Variants in CMSS1 observed in about 807,000 individuals in gnomAD.
CMSS1 encodes protein CMSS1.
CMSS1 carries 33 observed loss-of-function variants against 43.5 expected under a neutral mutation model. That is an observed-to-expected ratio of 0.76 (90% CI 0.57 to 1.01). The LOEUF (loss-of-function observed/expected upper bound fraction) is 1.01, where lower values mean the gene tolerates loss of function less well. Ranked by LOEUF, CMSS1 falls within the 50% of genes least tolerant of loss-of-function variation. CMSS1 has a pLI of 0.00. For synonymous variants in CMSS1, 115 were observed against 117.2 expected (o/e 0.98, Z 0.12); for missense variants, 313 against 326.4 (o/e 0.96, Z 0.32).
intron 1 of CMSS1, among the ~76,000 whole-genome samples, chr3:99,931,266 C>T (rs1707474474): frequency 6.6e-6 from 1 of 152,130 alleles, no homozygotes; most frequent in Non-Finnish European, 1.5e-5. Flanking sequence ...ATTAAGGCCA[C>T]TTATGTCCAT....
chr3:100,069,542 A>G (rs1339017206), intron 1 of CMSS1, among the ~76,000 whole-genome samples: 1 of 152,080 alleles, frequency 6.6e-6, no homozygotes, highest in Non-Finnish European at 1.5e-5. Flanking sequence ...ACGGCAGCCA[A>G]TGGAATCAAT....
intron 6 of CMSS1, among the ~76,000 whole-genome samples, chr3:100,168,863 T>TTA (rs397816245): frequency 0.37 from 53,362 of 145,894 alleles, 9,646 homozygotes; most frequent in South Asian, 0.44. Flanking sequence ...AGATTACAAA[T>TTA]TATATATATA....
intron 1 of CMSS1, among the ~76,000 whole-genome samples, chr3:99,916,430 C>T (rs562121800): frequency 1.4e-4 from 19 of 135,766 alleles, no homozygotes; most frequent in Admixed American, 6.7e-4. Context: ...TTTATAATAA[C>T]GGTTTATACA....
intron 2 of CMSS1, among the ~76,000 whole-genome samples, chr3:100,149,780 C>G (rs1020975125): frequency 2.3e-4 from 35 of 152,266 alleles, no homozygotes; most frequent in African/African-American, 8.4e-4. Context: ...AATTGGCACT[C>G]ATTATTTGTG....
chr3:100,091,853 C>T (rs879414523), intron 1 of CMSS1, among the ~76,000 whole-genome samples: 1 of 152,138 alleles, frequency 6.6e-6, no homozygotes, highest in Non-Finnish European at 1.5e-5. Context: ...TCCGATTCCA[C>T]GTTGGGCCTG....
At chr3:99,835,275 T>C (rs781263065) in intron 1 of CMSS1, among the ~76,000 whole-genome samples, 1 of 152,242 alleles carries the variant, frequency 6.6e-6, no homozygotes, top group African/African-American at 2.4e-5. Flanking sequence ...TTATGCTACT[T>C]TGTCTGGTCC....
chr3:100,062,563 T>C (rs6794365), intron 1 of CMSS1, among the ~76,000 whole-genome samples: 1,842 of 152,238 alleles, frequency 0.012, 23 homozygotes, highest in African/African-American at 0.028. Flanking sequence ...GTGCTTCTGT[T>C]TTTTCCAAGA....
At position 99,922,825 on chromosome 3, in the gene CMSS1, G is replaced by C. The variant is rs117898337; in HGVS notation, c.64+104782G>C. Among the ~76,000 whole-genome samples, 27 of 152,126 alleles carry C rather than the reference G, an allele frequency of 1.8e-4. 1 individual carries two copies. Among genetic ancestry groups the C allele is most frequent in the African/African-American group, 5.5e-4 (23 of 41,516 alleles). On this transcript the variant is annotated intron_variant, in intron 1 of 9. Coordinates refer to ENST00000421999, the MANE Select transcript of CMSS1 (RefSeq NM_032359.4). ...CCAAACTCTCCTTTTTTGCAGCCAC[G>C]CTTCTCAAAATGCTAGTTCACATTT...
chr3:99,819,439 A>T (rs1195439731), intron 1 of CMSS1, among the ~76,000 whole-genome samples: 1 of 152,260 alleles, frequency 6.6e-6, no homozygotes, highest in Admixed American at 6.5e-5. Flanking sequence ...GAAGAAAGGC[A>T]GTCAACATGT....
In CMSS1 at chr3:99,930,656, C is replaced by T. The variant is rs1267401369; in HGVS notation, c.64+112613C>T. 7 of 1,143,898 alleles carry T rather than the reference C, an allele frequency of 6.1e-6. No individual in the cohort carries two copies. The Admixed American group carries it at 1.5e-4, about 24-fold the overall frequency. The allele number at this position is 1,143,898 out of a possible 1,614,324, so 70.9% of individuals were successfully genotyped here. ...TGTATATATACTTATGCTTTGCTTT[C>T]ATGTACACACATGTATGAACCACAG... On this transcript the variant is annotated intron_variant, in intron 1 of 9. Transcript: ENST00000421999.
At chr3:100,077,966 C>G (rs1024770694) in intron 1 of CMSS1, among the ~76,000 whole-genome samples, 4 of 152,040 alleles carry the variant, frequency 2.6e-5, no homozygotes, top group African/African-American at 9.7e-5. Context: ...CCCAGTTTCA[C>G]TTACTCAGAC....
chr3:99,822,189 T>C (rs534568613), intron 1 of CMSS1, among the ~76,000 whole-genome samples: 3 of 152,240 alleles, frequency 2.0e-5, no homozygotes, highest in Non-Finnish European at 4.4e-5. Context: ...TATGTGAGTC[T>C]GGAGCCCCAG....
In CMSS1 at chr3:99,910,787, G is replaced by GTCAACAAGAGCTGTTGTT. The variant is rs1706763231; in HGVS notation, c.64+92744_64+92745insTCAACAAGAGCTGTTGTT. 2.4e-5 allele frequency among the ~76,000 whole-genome samples: 2 copies of GTCAACAAGAGCTGTTGTT among 83,570 alleles called. 1 individual carries two copies. The highest frequency in any genetic ancestry group is 6.4e-5 in the Non-Finnish European group (2 of 31,020). The allele number at this position is 83,570 out of a possible 152,430, so 54.8% of individuals were successfully genotyped here. On this transcript the variant is annotated intron_variant, in intron 1 of 9. Coordinates refer to ENST00000421999, the MANE Select transcript of CMSS1 (RefSeq NM_032359.4). Reference sequence around the variant, plus strand: ...GAAAGTAGATAACTAGAATATTTATGCCCATTTTATAGATGGAAGCATCAA... The same window carrying GTCAACAAGAGCTGTTGTT: ...GAAAGTAGATAACTAGAATATTTATGTCAACAAGAGCTGTTGTTCCCATTTTATAGATGGAAGCATCAA...
intron 1 of CMSS1, among the ~76,000 whole-genome samples, chr3:100,000,690 G>A (rs1345088957): frequency 6.6e-6 from 1 of 152,162 alleles, no homozygotes; most frequent in East Asian, 1.9e-4. Flanking sequence ...ACTCCAACCT[G>A]GGCGATAGCG....
At chr3:99,853,835 G>A (rs945255620) in intron 1 of CMSS1, among the ~76,000 whole-genome samples, 7 of 152,078 alleles carry the variant, frequency 4.6e-5, no homozygotes, top group South Asian at 2.1e-4. Context: ...AAAGCCTGTC[G>A]GGAAGGTAAA....
intron 1 of CMSS1, among the ~76,000 whole-genome samples, chr3:99,877,834 C>T (rs1223217373): frequency 6.6e-6 from 1 of 152,156 alleles, no homozygotes; most frequent in African/African-American, 2.4e-5. Context: ...TGAATCTCAG[C>T]CCCAAACTGA....
chr3:100,135,950 A>T (rs536419836), intron 1 of CMSS1, among the ~76,000 whole-genome samples: 1 of 152,288 alleles, frequency 6.6e-6, no homozygotes, highest in South Asian at 2.1e-4. Flanking sequence ...AAAACTTTAA[A>T]AATTTTGTAA....
chr3:100,030,908 G>T (rs2065011926), intron 1 of CMSS1, among the ~76,000 whole-genome samples: 2 of 152,110 alleles, frequency 1.3e-5, no homozygotes, highest in South Asian at 4.2e-4. Context: ...GATATTCTTG[G>T]CTTAAGAATG....
At chr3:100,178,192 A>C in intron 9 of CMSS1, 113 bp from the exon 10 acceptor site, 1 of 614,826 alleles carries the variant, frequency 1.6e-6, no homozygotes, top group Non-Finnish European at 2.9e-6. Flanking sequence ...GCACTCTCTG[A>C]TTCTGGCCAT....
Sources: gnomAD v4.1 joint callset for allele counts (sites outside exome capture counted in the v4.1 genomes callset) on GRCh38, gnomAD v4.1.1 for gene constraint, MANE v1.5 for transcripts, NCBI Gene and HGNC (gene_info 2026-07-23, HGNC 2026-07-21) for gene names.